Variants in FAT4 observed in about 807,000 individuals in gnomAD.
The protein encoded by FAT4 is protocadherin Fat 4.
In FAT4, 84 loss-of-function variants were observed where a neutral mutation model predicts 303.9. That is an observed-to-expected ratio of 0.28 (90% CI 0.23 to 0.33). FAT4 has a LOEUF of 0.33. FAT4 is among the 10% of genes least tolerant of loss of function. The pLI is 1.00. For synonymous variants in FAT4, 2,307 were observed against 2,298.8 expected (o/e 1.00, Z -0.10); for missense variants, 6,005 against 6,146.8 (o/e 0.98, Z 0.77).
At chr4:125,379,371 G>A (rs1294977708) in intron 2 of FAT4, among the ~76,000 whole-genome samples, 4 of 151,662 alleles carry the variant, frequency 2.6e-5, no homozygotes, top group South Asian at 2.1e-4. Flanking sequence ...TATGAAAATT[G>A]CTTGACTTGC....
rs369887674 is a variant in FAT4 at position 125,451,367 on chromosome 4, G to A, written c.10357G>A (p.Gly3453Ser). ...SYFIGSGNENGAFSINPQTGQ... is the reference protein window; with the variant it reads ...SYFIGSGNENSAFSINPQTGQ... ...CTTCATCGGATCAGGGAATGAAAAT[G>A]GTGCCTTTTCTATTAATCCGCAGAC... Residue 3453 changes from glycine to serine, a missense_variant, in exon 10 of 18, where the codon GGT becomes AGT. Transcript: ENST00000394329. The A allele has an allele frequency of 1.4e-5, 22 of 1,614,064 alleles. No homozygotes were observed. Among genetic ancestry groups the A allele is most frequent in the Non-Finnish European group, 1.6e-5 (19 of 1,180,014 alleles).
In FAT4 at chr4:125,452,785, C is replaced by T. The variant is rs1022734086; in HGVS notation, c.11775C>T (p.Asn3925=). 6.2e-7 allele frequency: 1 copy of T among 1,612,692 alleles called. No homozygotes were observed. The highest frequency in any genetic ancestry group is 8.5e-7 in the Non-Finnish European group (1 of 1,179,266). ...GCCAGAATTTTCCAGGAAGCTTCAACTGTGTTTGCAAAACTGGATACACAG... is the reference window on the plus strand; with the variant it reads ...GCCAGAATTTTCCAGGAAGCTTCAATTGTGTTTGCAAAACTGGATACACAG... ...AICQNFPGSF[N]CVCKTGYTGK... is the part of the protein sequence containing the mutation. The change falls in exon 10 of 18, where the codon AAC becomes AAT. Residue 3925 remains asparagine, a synonymous_variant. Transcript: ENST00000394329.
chr4:125,369,215 A>C (rs1733009258), intron 2 of FAT4, among the ~76,000 whole-genome samples: 2 of 152,212 alleles, frequency 1.3e-5, no homozygotes, highest in Admixed American at 1.3e-4. Context: ...TAAAATCAGC[A>C]GACCTCTAAT....
chr4:125,383,110 C>T (rs1733602629), intron 2 of FAT4, among the ~76,000 whole-genome samples: 1 of 152,174 alleles, frequency 6.6e-6, no homozygotes, highest in Non-Finnish European at 1.5e-5. Context: ...TCTGGAGCAG[C>T]ACTTTTAATT....
intron 16 of FAT4, among the ~76,000 whole-genome samples, chr4:125,482,506 A>G (rs1475561975): frequency 6.6e-6 from 1 of 152,128 alleles, no homozygotes; most frequent in Non-Finnish European, 1.5e-5. Flanking sequence ...CAAATAAGTC[A>G]TCTCCTAGAC....
chr4:125,409,566 T>G (rs1386401975), intron 5 of FAT4, among the ~76,000 whole-genome samples: 1 of 152,212 alleles, frequency 6.6e-6, no homozygotes, highest in East Asian at 1.9e-4. Flanking sequence ...CAGCTAATAA[T>G]ATTTTAACTA....
In FAT4 at chr4:125,317,593, C is replaced by A. The variant is rs1350985972; in HGVS notation, c.1182C>A (p.Ile394=). Residue 394 remains isoleucine, a synonymous_variant, in exon 2 of 18, where the codon ATC becomes ATA. Coordinates refer to ENST00000394329, the MANE Select transcript of FAT4 (RefSeq NM_001291303.3). This position sits in a 1 kb window ranked among gnomAD's most constrained non-coding sequence, Gnocchi z 7.0. ...DADSPAANGN[I]SVQILGGNEQ... The stretch of plus-strand genomic sequence containing the variant: ...ATTCTCCCGCGGCCAACGGGAACAT[C>A]TCCGTGCAAATTCTCGGGGGCAATG... The A allele has an allele frequency of 6.2e-7, 1 of 1,613,970 alleles. No individual in the cohort carries two copies. Among genetic ancestry groups the A allele is most frequent in the Non-Finnish European group, 8.5e-7 (1 of 1,179,958 alleles).
chr4:125,346,583 C>T (rs1578544724), intron 2 of FAT4, among the ~76,000 whole-genome samples: 4 of 151,862 alleles, frequency 2.6e-5, no homozygotes, highest in South Asian at 2.1e-4. Flanking sequence ...AAATCATGCA[C>T]GGTGAACCCA....
chr4:125,350,380 T>C (rs929970050), intron 2 of FAT4, among the ~76,000 whole-genome samples: 3 of 151,772 alleles, frequency 2.0e-5, no homozygotes, highest in South Asian at 2.1e-4. Flanking sequence ...TTTCCAAATA[T>C]AAAAATCAAA....
chr4:125,369,672 T>C, intron 2 of FAT4, among the ~76,000 whole-genome samples: 1 of 152,188 alleles, frequency 6.6e-6, no homozygotes, highest in Non-Finnish European at 1.5e-5. Context: ...TTCTGAGTCA[T>C]TGAATAATTT....
At chr4:125,474,127 A>G (rs909150312) in intron 12 of FAT4, among the ~76,000 whole-genome samples, 2 of 152,066 alleles carry the variant, frequency 1.3e-5, no homozygotes, top group Admixed American at 6.5e-5. Flanking sequence ...AAAATAAAAC[A>G]TCTCCTCCAT....
At chr4:125,444,107 T>A (rs927341586) in intron 8 of FAT4, among the ~76,000 whole-genome samples, 2 of 152,192 alleles carry the variant, frequency 1.3e-5, no homozygotes, top group African/African-American at 2.4e-5. Context: ...GGCAATAGCA[T>A]GTGCAATAGC....
At chr4:125,462,496 G>T (rs1726516476) in intron 10 of FAT4, among the ~76,000 whole-genome samples, 1 of 151,896 alleles carries the variant, frequency 6.6e-6, no homozygotes, top group African/African-American at 2.4e-5. Context: ...TTGAAAATTA[G>T]ATCCTAACGA....
intron 4 of FAT4, among the ~76,000 whole-genome samples, chr4:125,408,216 A>G (rs1734697106): frequency 6.6e-6 from 1 of 152,190 alleles, no homozygotes; most frequent in African/African-American, 2.4e-5. Flanking sequence ...CAGGAAATTT[A>G]TGCTGAAACC....
chr4:125,432,216 A>G (rs1221994915), intron 7 of FAT4, among the ~76,000 whole-genome samples: 1 of 152,140 alleles, frequency 6.6e-6, no homozygotes, highest in Non-Finnish European at 1.5e-5. Context: ...TACTGGCAGT[A>G]CCTTCCAGCT....
chr4:125,324,618 G>A (rs1731082828), intron 2 of FAT4, among the ~76,000 whole-genome samples: 1 of 152,122 alleles, frequency 6.6e-6, no homozygotes, highest in African/African-American at 2.4e-5. Context: ...CAAGGAAGAG[G>A]AATTTACGTG....
intron 2 of FAT4, among the ~76,000 whole-genome samples, chr4:125,328,012 A>G (rs1002147739): frequency 6.6e-6 from 1 of 152,198 alleles, no homozygotes; most frequent in African/African-American, 2.4e-5. Context: ...AGCGCTTTAT[A>G]AAACCCATAA....
At position 125,415,635 on chromosome 4, in the gene FAT4, C is replaced by G. The variant is rs756001382; in HGVS notation, c.6672C>G (p.Thr2224=). 112 of 1,613,940 alleles carry G rather than the reference C, an allele frequency of 6.9e-5. No individual in the cohort carries two copies. Among genetic ancestry groups the G allele is most frequent in the Non-Finnish European group, 8.5e-5 (100 of 1,179,978 alleles). ...CTTTGGATAGAGAAAAGACCCCTACCTACCATTTAACTGTTCAGGCAACAG... is the reference window on the plus strand; with the variant it reads ...CTTTGGATAGAGAAAAGACCCCTACGTACCATTTAACTGTTCAGGCAACAG... ...AKPLDREKTP[T]YHLTVQATDR... is the part of the protein sequence containing the mutation. The change falls in exon 6 of 18, where the codon ACC becomes ACG. Residue 2224 remains threonine, a synonymous_variant. Coordinates refer to ENST00000394329, the MANE Select transcript of FAT4 (RefSeq NM_001291303.3).
intron 8 of FAT4, among the ~76,000 whole-genome samples, chr4:125,437,206 C>T (rs1332900726): frequency 6.6e-6 from 1 of 151,938 alleles, no homozygotes; most frequent in African/African-American, 2.4e-5. Context: ...AGGACACAGC[C>T]AAACCATATC....
Sources: gnomAD v4.1 joint callset for allele counts (sites outside exome capture counted in the v4.1 genomes callset) on GRCh38, gnomAD v4.1.1 for gene constraint, Gnocchi (gnomAD v3.1) non-coding constraint, MANE v1.5 for transcripts, NCBI Gene and HGNC (gene_info 2026-07-23, HGNC 2026-07-21) for gene names.